Variants in C8A observed in about 807,000 individuals in gnomAD.
C8A encodes the protein complement C8 alpha chain.
A neutral mutation model predicts 65.3 loss-of-function variants in C8A; 67 were observed. That is an observed-to-expected ratio of 1.03 (90% CI 0.84 to 1.26). C8A has a LOEUF of 1.26. Among genes scored for constraint, C8A ranks in the 50% most tolerant of loss-of-function variants. The probability of loss-of-function intolerance (pLI) is 0.00; values close to 1 mark genes in which losing one functional copy is unlikely to be tolerated. For missense variants in C8A, 781 were observed against 723.9 expected, an observed-to-expected ratio of 1.08 and a Z score of -0.90; for synonymous variants, 290 against 259.4, an observed-to-expected ratio of 1.12 and a Z score of -1.13.
rs377721032 is a variant in C8A at position 56,917,744 on chromosome 1, T to A, written c.*28T>A. ...GCCTCTGGACACAGGCTGGACCAGA[T>A]GCTGTGGATGTCGACCCCTGCACTG... On this transcript the variant is annotated 3_prime_UTR_variant, in exon 11 of 11. Coordinates refer to ENST00000361249, the MANE Select transcript of C8A (RefSeq NM_000562.3). 1 of 1,613,150 alleles carries A rather than the reference T, an allele frequency of 6.2e-7. No individual in the cohort carries two copies. The highest frequency in any genetic ancestry group is 1.7e-5 in the Admixed American group (1 of 60,006).
intron 7 of C8A, among the ~76,000 whole-genome samples, chr1:56,896,670 G>C (rs537836181): frequency 6.6e-6 from 1 of 152,240 alleles, no homozygotes; most frequent in South Asian, 2.1e-4. Context: ...AAATACCTAG[G>C]CATTCCACGG....
chr1:56,903,285 G>T (rs1267880135), intron 7 of C8A, among the ~76,000 whole-genome samples: 1 of 152,100 alleles, frequency 6.6e-6, no homozygotes, highest in Admixed American at 6.5e-5. Flanking sequence ...TCATGATAAT[G>T]GGTGGGTTCT....
At chr1:56,912,345 G>T in intron 9 of C8A, 58 bp from the exon 10 acceptor site, 1 of 1,547,278 alleles carries the variant, frequency 6.5e-7, no homozygotes, top group Non-Finnish European at 8.9e-7. Flanking sequence ...CGGTTCTTGG[G>T]CTCTGGGAAG....
At chr1:56,855,365 T>G (rs1000684991) in intron 1 of C8A, among the ~76,000 whole-genome samples, 2 of 152,118 alleles carry the variant, frequency 1.3e-5, no homozygotes, top group Non-Finnish European at 2.9e-5. Flanking sequence ...TTCTCCTGAG[T>G]GGTGCTGAAC....
At chr1:56,902,920 A>G (rs1484410333) in intron 7 of C8A, among the ~76,000 whole-genome samples, 18 of 152,108 alleles carry the variant, frequency 1.2e-4, no homozygotes. Flanking sequence ...AGTTTCCCTA[A>G]TCTATGGAGA....
rs1570359151 is a variant in C8A at position 56,918,091 on chromosome 1, C to CA, written c.*378dup. 3 of 191,720 alleles carry CA rather than the reference C, an allele frequency of 1.6e-5. No individual in the cohort carries two copies. In the East Asian group the frequency reaches 4.1e-4, roughly 26 times the overall value. 11.9% of individuals were successfully genotyped at this position (191,720 alleles called of 1,614,324 possible). A position where few individuals can be genotyped will look rare whatever the true frequency, so the allele number is the denominator to read the frequency against. ...CTGAAACAATCAACGCCCAATAAAA[C>CA]AAAGTAGGATGAAAATTCTCTTAGT... is the stretch of plus-strand genomic sequence containing the variant. On this transcript the variant is annotated 3_prime_UTR_variant, in exon 11 of 11. Transcript: ENST00000361249.
intron 5 of C8A, 74 bp downstream of exon 5, chr1:56,881,708 T>C (rs1407588853): frequency 1.5e-6 from 2 of 1,373,950 alleles, no homozygotes; most frequent in East Asian, 4.6e-5. Flanking sequence ...TTTGTGGAGA[T>C]GACTTGCTCT....
intron 2 of C8A, among the ~76,000 whole-genome samples, chr1:56,874,290 G>T (rs149470374): frequency 2.0e-5 from 3 of 152,268 alleles, no homozygotes; most frequent in Admixed American, 6.5e-5. Context: ...AACCAGGCCT[G>T]GTTCATACCC....
At chr1:56,900,553 G>T (rs1279411684) in intron 7 of C8A, among the ~76,000 whole-genome samples, 2 of 152,142 alleles carry the variant, frequency 1.3e-5, no homozygotes, top group East Asian at 3.9e-4. Context: ...TCCAATCTTA[G>T]CCTGTAAGAT....
intron 9 of C8A, among the ~76,000 whole-genome samples, chr1:56,909,273 C>G (rs527996996): frequency 2.6e-5 from 4 of 152,316 alleles, no homozygotes; most frequent in Non-Finnish European, 5.9e-5. Context: ...TTTCTCCCCA[C>G]CCTTGCCTAT....
intron 1 of C8A, among the ~76,000 whole-genome samples, chr1:56,862,488 T>C (rs1342279583): frequency 1.3e-5 from 2 of 152,202 alleles, no homozygotes; most frequent in Non-Finnish European, 2.9e-5. Flanking sequence ...AAGAACAATA[T>C]GGTGTATGCA....
chr1:56,906,943 T>C (rs1644471253), intron 8 of C8A, 151 bp downstream of exon 8: 3 of 939,530 alleles, frequency 3.2e-6, no homozygotes, highest in Non-Finnish European at 1.7e-6. Flanking sequence ...AACAATGACC[T>C]GCAGTGGCTT....
intron 7 of C8A, among the ~76,000 whole-genome samples, chr1:56,891,282 G>T (rs1644342986): frequency 6.6e-6 from 1 of 152,132 alleles, no homozygotes; most frequent in Non-Finnish European, 1.5e-5. Flanking sequence ...TGGTGTGTTT[G>T]TGAAGGGGAA....
intron 2 of C8A, among the ~76,000 whole-genome samples, chr1:56,872,129 A>G (rs1406953393): frequency 1.3e-5 from 2 of 152,202 alleles, no homozygotes; most frequent in Non-Finnish European, 2.9e-5. Flanking sequence ...CCTAACTGCA[A>G]TATTCCAAGC....
At chr1:56,893,553 T>C (rs992995200) in intron 7 of C8A, among the ~76,000 whole-genome samples, 1 of 152,152 alleles carries the variant, frequency 6.6e-6, no homozygotes, top group African/African-American at 2.4e-5. Flanking sequence ...TCTAAGTGCA[T>C]GTTGCATGAT....
In C8A at chr1:56,896,394, C is replaced by A. The variant is rs147817963; in HGVS notation, c.1096+10227C>A. On this transcript the variant is annotated intron_variant, in intron 7 of 10. Transcript: ENST00000361249. ...GGGCAGCCAGTGATGTATTTCCAGTCTGAAGGCCAGCAGGCTTGAGACCCT... is the reference window on the plus strand; with the variant it reads ...GGGCAGCCAGTGATGTATTTCCAGTATGAAGGCCAGCAGGCTTGAGACCCT... Among the ~76,000 whole-genome samples, 246 of 152,258 alleles carry A rather than the reference C, an allele frequency of 1.6e-3. 1 individual carries two copies. The highest frequency in any genetic ancestry group is 5.7e-3 in the African/African-American group (239 of 41,586).
intron 7 of C8A, among the ~76,000 whole-genome samples, chr1:56,888,330 C>T (rs774044819): frequency 6.4e-4 from 97 of 152,068 alleles, no homozygotes; most frequent in African/African-American, 2.3e-3. Flanking sequence ...CATCCGTCTA[C>T]ATATTCATTT....
At chr1:56,899,751 G>A (rs1223795530) in intron 7 of C8A, among the ~76,000 whole-genome samples, 1 of 152,162 alleles carries the variant, frequency 6.6e-6, no homozygotes, top group Admixed American at 6.5e-5. Context: ...AGCAGTAATA[G>A]CAACACTTGA....
chr1:56,884,586 T>G (rs992342862), intron 6 of C8A, among the ~76,000 whole-genome samples: 10 of 152,168 alleles, frequency 6.6e-5, no homozygotes, highest in African/African-American at 2.4e-4. Context: ...GGTAAAGTCC[T>G]ATATTGTTCA....
Sources: allele counts gnomAD v4.1 joint callset (sites outside exome capture counted in the v4.1 genomes callset), GRCh38; gene constraint gnomAD v4.1.1; transcripts MANE v1.5; gene names NCBI Gene and HGNC (gene_info 2026-07-23, HGNC 2026-07-21).